CC2D2A: variants seen among roughly 807,000 people sequenced by gnomAD.
CC2D2A encodes coiled-coil and C2 domain containing 2A, also known as coiled-coil and C2 domain-containing protein 2A.
In CC2D2A, 155 loss-of-function variants were observed where a neutral mutation model predicts 212.9. The ratio of observed to expected loss-of-function variants is 0.73; its 90% CI spans 0.64 to 0.83. The LOEUF is 0.83. Among genes scored for constraint, CC2D2A ranks in the 40% least tolerant of loss-of-function variants. CC2D2A has a pLI of 0.00. For synonymous variants in CC2D2A, 667 were observed against 686.5 expected, an observed-to-expected ratio of 0.97 and a Z score of 0.44; for missense variants, 1,856 against 1,956.2, an observed-to-expected ratio of 0.95 and a Z score of 0.97.
chr4:15,599,443 A>C (rs1268052737), intron 35 of CC2D2A, 86 bp from the exon 36 acceptor site: 7 of 809,262 alleles, frequency 8.6e-6, no homozygotes, highest in Non-Finnish European at 1.1e-5. Context: ...TTATACAATC[A>C]TCTGAATCCC....
chr4:15,586,210 A>T lies in CC2D2A; in HGVS notation c.4029A>T (p.Ser1343=). 6.2e-7 allele frequency: 1 copy of T among 1,608,680 alleles called. No homozygotes were observed. The highest frequency in any genetic ancestry group is 8.5e-7 in the Non-Finnish European group (1 of 1,176,462). ...TTCCCTTCTTGCCTGACACTGTCTC[A>T]TTTGGTGGTATCTGTGACCTCTGGA... ...SLIPFLPDTV[S]FGGICDLWST... is the part of the protein sequence containing the mutation. The change falls in exon 31 of 37, where the codon TCA becomes TCT. Residue 1343 remains serine (S), a synonymous_variant. Coordinates refer to ENST00000424120, the MANE Select transcript of CC2D2A (RefSeq NM_001378615.1).
At chr4:15,511,106 A>T in intron 7 of CC2D2A, 141 bp from the exon 8 acceptor site, 1 of 912,252 alleles carries the variant, frequency 1.1e-6, no homozygotes, top group Non-Finnish European at 1.6e-6. Context: ...CAGTAGTCTC[A>T]CACCTTTAAC....
intron 6 of CC2D2A, among the ~76,000 whole-genome samples, chr4:15,508,519 T>C (rs993602205): frequency 6.6e-6 from 1 of 152,234 alleles, no homozygotes; most frequent in African/African-American, 2.4e-5. Context: ...ATTTCCTTAT[T>C]TGATGCTCTA....
intron 35 of CC2D2A, among the ~76,000 whole-genome samples, chr4:15,598,378 G>A (rs1721411651): frequency 6.6e-6 from 1 of 152,168 alleles, no homozygotes; most frequent in South Asian, 2.1e-4. Context: ...TGTACAAGAG[G>A]CTTTAGAATC....
chr4:15,475,147 G>A (rs557428377), intron 1 of CC2D2A, among the ~76,000 whole-genome samples: 13 of 152,262 alleles, frequency 8.5e-5, no homozygotes, highest in African/African-American at 2.4e-4. Context: ...GGTGGCATGC[G>A]CCTGTAATCC....
At chr4:15,569,527 G>A in intron 27 of CC2D2A, 138 bp downstream of exon 27, 1 of 611,774 alleles carries the variant, frequency 1.6e-6, no homozygotes, top group South Asian at 2.1e-5. Flanking sequence ...AAAGAATTCA[G>A]AGCGAGTCCA....
At chr4:15,540,726 G>A (rs568414315) in intron 16 of CC2D2A, 111 bp from the exon 17 acceptor site, 508 of 961,178 alleles carry the variant, frequency 5.3e-4, no homozygotes, top group Non-Finnish European at 7.4e-4. Context: ...TGACATGATT[G>A]GGAGAGTTGC....
At position 15,589,586 on chromosome 4, in the gene CC2D2A, T is replaced by C. The variant is rs1421324906; in HGVS notation, c.4221T>C (p.Tyr1407=). ...AYVLTWEQGR[Y]LIWNPCSGHF... The stretch of plus-strand genomic sequence containing the variant: ...TGCTAACTTGGGAGCAAGGTCGTTA[T>C]TTAATATGGAATCCCTGCAGTGGAC... Residue 1407 remains tyrosine, a synonymous_variant, in exon 33 of 37, where the codon TAT becomes TAC. Transcript: ENST00000424120. The C allele has an allele frequency of 6.2e-7, 1 of 1,612,846 alleles. No homozygotes were observed. The highest frequency in any genetic ancestry group is 8.5e-7 in the Non-Finnish European group (1 of 1,179,248).
intron 17 of CC2D2A, 59 bp from the exon 18 acceptor site, chr4:15,550,765 T>G: frequency 7.9e-7 from 1 of 1,268,622 alleles, no homozygotes; most frequent in South Asian, 1.8e-5. Flanking sequence ...ACTGATTATC[T>G]GAGCGTGAGC....
chr4:15,544,282 GC>G (rs1192076063), intron 17 of CC2D2A, among the ~76,000 whole-genome samples: 1 of 152,184 alleles, frequency 6.6e-6, no homozygotes, highest in Non-Finnish European at 1.5e-5. Flanking sequence ...AGCTGCAGGG[GC>G]CCACATGAGT....
intron 28 of CC2D2A, among the ~76,000 whole-genome samples, chr4:15,572,757 A>T (rs1158160613): frequency 6.6e-6 from 1 of 152,108 alleles, no homozygotes; most frequent in Non-Finnish European, 1.5e-5. Context: ...GTCCCACAAC[A>T]GGCCATCTGC....
chr4:15,590,119 T>A (rs1200584381), intron 33 of CC2D2A, among the ~76,000 whole-genome samples: 4 of 152,202 alleles, frequency 2.6e-5, no homozygotes, highest in African/African-American at 9.7e-5. Flanking sequence ...GATTCCCAGG[T>A]CTCACCTGGC....
chr4:15,555,549 G>A (rs1360240074), intron 20 of CC2D2A, among the ~76,000 whole-genome samples: 1 of 152,180 alleles, frequency 6.6e-6, no homozygotes, highest in Non-Finnish European at 1.5e-5. Flanking sequence ...AACCAGTCTG[G>A]GCAACATGGC....
rs115758728 is a variant in CC2D2A at position 15,577,505 on chromosome 4, T to C, written c.3772-2463T>C. ...CTTGGCACTTCTTAGATCACTAACA[T>C]AGCATACTACTAATCCTTAAATTCC... On this transcript the variant is annotated intron_variant, in intron 29 of 36. Transcript: ENST00000424120. Among the ~76,000 whole-genome samples, 581 of 152,300 alleles carry C rather than the reference T, an allele frequency of 3.8e-3. 6 individuals carry two copies. The highest frequency in any genetic ancestry group is 0.014 in the African/African-American group (562 of 41,558).
At chr4:15,542,180 C>A (rs1718489600) in intron 17 of CC2D2A, among the ~76,000 whole-genome samples, 1 of 152,200 alleles carries the variant, frequency 6.6e-6, no homozygotes, top group South Asian at 2.1e-4. Flanking sequence ...GCAAAGACCC[C>A]ATTTCCAAAT....
At chr4:15,491,148 G>A (rs896267982) in intron 4 of CC2D2A, among the ~76,000 whole-genome samples, 6 of 152,120 alleles carry the variant, frequency 3.9e-5, no homozygotes, top group East Asian at 3.9e-4. Context: ...AAACTTACTC[G>A]TAACTTTTTA....
chr4:15,554,426 A>G (rs1392977755), intron 19 of CC2D2A, among the ~76,000 whole-genome samples: 1 of 152,096 alleles, frequency 6.6e-6, no homozygotes, highest in Non-Finnish European at 1.5e-5. Flanking sequence ...TTATCCGACT[A>G]TTTTGGGAGG....
intron 18 of CC2D2A, among the ~76,000 whole-genome samples, chr4:15,552,811 T>C (rs1346074577): frequency 1.3e-5 from 2 of 152,236 alleles, no homozygotes; most frequent in Non-Finnish European, 2.9e-5. Flanking sequence ...TAAATGTCTT[T>C]GAAATAACTC....
chr4:15,509,181 A>G (rs1366646692), intron 6 of CC2D2A, among the ~76,000 whole-genome samples: 4 of 152,148 alleles, frequency 2.6e-5, no homozygotes, highest in African/African-American at 9.7e-5. Flanking sequence ...TGTTGGACTT[A>G]CTTACAATCA....
Sources: gnomAD v4.1 joint callset for allele counts (sites outside exome capture counted in the v4.1 genomes callset) on GRCh38, gnomAD v4.1.1 for gene constraint, MANE v1.5 for transcripts, NCBI Gene and HGNC (gene_info 2026-07-23, HGNC 2026-07-21) for gene names.